Variants in NAV3 observed in about 807,000 individuals in gnomAD.
NAV3 encodes the protein pore membrane and/or filament interacting like protein 1.
A neutral mutation model predicts 244.7 loss-of-function variants in NAV3; 87 were observed. The observed-to-expected ratio is 0.36, with a 90% CI of 0.30 to 0.42. The LOEUF (loss-of-function observed/expected upper bound fraction) is 0.42, where lower values mean the gene tolerates loss of function less well. Ranked by LOEUF, NAV3 falls within the 20% of genes least tolerant of loss-of-function variation. The pLI, the probability that NAV3 is intolerant of heterozygous loss-of-function variation, is 1.00. For synonymous variants in NAV3, 1,126 were observed against 1,042.2 expected (o/e 1.08, Z -1.55); for missense variants, 2,663 against 2,893.3 (o/e 0.92, Z 1.83).
At chr12:77,582,779 A>T (rs711098) in intron 2 of NAV3, among the ~76,000 whole-genome samples, 13 of 151,954 alleles carry the variant, frequency 8.6e-5, no homozygotes, top group Admixed American at 1.3e-4. Flanking sequence ...TATTGGACCA[A>T]GTTCACATTT....
At chr12:78,094,974 G>A (rs1011018670) in intron 12 of NAV3, among the ~76,000 whole-genome samples, 1 of 151,188 alleles carries the variant, frequency 6.6e-6, no homozygotes, top group Non-Finnish European at 1.5e-5. Context: ...TTGAACCCAG[G>A]AGGCGAGGGT....
At position 78,050,999 on chromosome 12, in the gene NAV3, G is replaced by A. The variant is rs767017366; in HGVS notation, c.2368G>A (p.Val790Ile). Residue 790 changes from valine to isoleucine, a missense_variant, in exon 11 of 40, where the codon GTC becomes ATC. By Grantham distance (29) the Val-to-Ile change is conservative. Transcript: ENST00000397909. ...TACCACGCCTCTCCGTCGAGCTGCT[G>A]TCTCTAGGCTGGGAAACATGTCACA... ...MYTTPLRRAA[V>I]SRLGNMSQID... 1 of 1,614,138 alleles carries A rather than the reference G, an allele frequency of 6.2e-7. No homozygotes were observed. Among genetic ancestry groups the A allele is most frequent in the Non-Finnish European group, 8.5e-7 (1 of 1,180,026 alleles).
At chr12:77,625,977 A>C (rs1343042420) in intron 2 of NAV3, among the ~76,000 whole-genome samples, 1 of 152,218 alleles carries the variant, frequency 6.6e-6, no homozygotes, top group Non-Finnish European at 1.5e-5. Flanking sequence ...ATGCCTGAAA[A>C]ATAATTCAAA....
chr12:78,034,010 CA>C (rs2136990519), intron 9 of NAV3, among the ~76,000 whole-genome samples: 2 of 152,294 alleles, frequency 1.3e-5, no homozygotes, highest in South Asian at 4.1e-4. Context: ...AGAGCTGTAA[CA>C]AACAGAGTGG....
chr12:77,860,355 T>C (rs1197743090), intron 1 of NAV3, among the ~76,000 whole-genome samples: 1 of 150,556 alleles, frequency 6.6e-6, no homozygotes, highest in Non-Finnish European at 1.5e-5. Context: ...TTATATGCTA[T>C]ATGCACATAT....
At chr12:78,019,200 A>T (rs1021723867) in intron 8 of NAV3, among the ~76,000 whole-genome samples, 1 of 152,152 alleles carries the variant, frequency 6.6e-6, no homozygotes, top group South Asian at 2.1e-4. Flanking sequence ...ACATCACATG[A>T]GTTAGTAACT....
At chr12:78,133,188 A>T (rs1291870863) in intron 18 of NAV3, among the ~76,000 whole-genome samples, 2 of 152,106 alleles carry the variant, frequency 1.3e-5, no homozygotes, top group South Asian at 4.1e-4. Flanking sequence ...ACCTCTCCAG[A>T]TCTTAGAAAC....
Position 78,119,649 on chromosome 12 carries a change from C to G in NAV3, c.3453C>G (p.Gly1151=), listed in dbSNP as rs1366260343. Residue 1151 remains glycine, a synonymous_variant, in exon 15 of 40, where the codon GGC becomes GGG. Coordinates refer to ENST00000397909, the MANE Select transcript of NAV3 (RefSeq NM_001024383.2). ...AATCCAGCACCAGTGGCATTCCTGG[C>G]CGAGGAGGCCACAGATCCAGTACCA... ...PSKSSTSGIP[G]RGGHRSSTSS... The G allele has an allele frequency of 1.2e-6, 2 of 1,614,156 alleles. No homozygotes were observed. The highest frequency in any genetic ancestry group is 1.1e-5 in the South Asian group (1 of 91,074).
chr12:77,830,165 C>A (rs1013447691), upstream of NAV3, among the ~76,000 whole-genome samples: 3 of 152,128 alleles, frequency 2.0e-5, no homozygotes, highest in Non-Finnish European at 4.4e-5. Flanking sequence ...TAAAATAATT[C>A]TATGGATGGA....
chr12:78,044,423 T>G (rs965634887), intron 9 of NAV3, among the ~76,000 whole-genome samples: 7 of 152,220 alleles, frequency 4.6e-5, no homozygotes, highest in South Asian at 4.1e-4. Context: ...GGCTCTTTTT[T>G]GGTTCCATAT....
chr12:78,211,392 T>C lies in NAV3; in HGVS notation c.*875T>C, dbSNP rs146597064. The C allele has an allele frequency of 0.013, 1,954 of 152,698 alleles. 24 individuals are homozygous for C. The highest frequency in any genetic ancestry group is 0.039 in the South Asian group (188 of 4,820). The allele number at this position is 152,698 out of a possible 1,614,324, so 9.5% of individuals were successfully genotyped here. A position where few individuals can be genotyped will look rare whatever the true frequency, so the allele number is the denominator to read the frequency against. On this transcript the variant is annotated 3_prime_UTR_variant, in exon 40 of 40. Coordinates refer to ENST00000397909, the MANE Select transcript of NAV3 (RefSeq NM_001024383.2). ...AACAGTTGGTTTAAATCCTAAACCA[T>C]TGGTAATTTCCACTGTCTTTTCATT...
intron 9 of NAV3, among the ~76,000 whole-genome samples, chr12:78,034,292 A>G (rs1879485253): frequency 1.3e-5 from 2 of 152,192 alleles, no homozygotes; most frequent in African/African-American, 2.4e-5. Context: ...CCTTGGGGGA[A>G]AAACCATCCC....
At chr12:78,197,968 C>A (rs1959206577) in intron 35 of NAV3, among the ~76,000 whole-genome samples, 1 of 151,662 alleles carries the variant, frequency 6.6e-6, no homozygotes, top group African/African-American at 2.4e-5. Context: ...AGATATAGCT[C>A]CCTCTATTAA....
chr12:77,790,133 A>G (rs77068627), intron 2 of NAV3, among the ~76,000 whole-genome samples: 66 of 152,330 alleles, frequency 4.3e-4, no homozygotes, highest in South Asian at 1.9e-3. Flanking sequence ...TACCAGTGAT[A>G]AGCCTCTCAG....
chr12:77,917,252 G>C (rs542854827), intron 1 of NAV3, among the ~76,000 whole-genome samples: 1 of 151,980 alleles, frequency 6.6e-6, no homozygotes, highest in Admixed American at 6.6e-5. Flanking sequence ...ATTATTATCT[G>C]TGACTTAATT....
intron 24 of NAV3, 151 bp downstream of exon 24, chr12:78,169,017 T>C (rs960720108): frequency 4.0e-6 from 2 of 495,242 alleles, no homozygotes; most frequent in Non-Finnish European, 7.2e-6. Context: ...ACTAGTAGTA[T>C]TAATACATAC....
At chr12:78,169,433 G>A (rs552898793) in intron 24 of NAV3, among the ~76,000 whole-genome samples, 6,892 of 151,596 alleles carry the variant, frequency 0.045, 193 homozygotes, top group Non-Finnish European at 0.071. Flanking sequence ...AATGAAAGGG[G>A]TATTTCTGCC....
At chr12:77,637,416 C>T (rs1478172562) in intron 2 of NAV3, among the ~76,000 whole-genome samples, 1 of 152,060 alleles carries the variant, frequency 6.6e-6, no homozygotes, top group African/African-American at 2.4e-5. Flanking sequence ...CAGGGCTAAA[C>T]TGAACATAAT....
chr12:77,966,612 A>C (rs1466807559), intron 4 of NAV3, among the ~76,000 whole-genome samples: 1 of 152,174 alleles, frequency 6.6e-6, no homozygotes, highest in African/African-American at 2.4e-5. Flanking sequence ...AGATGAATAG[A>C]TAATTAGATA....
Sources: allele counts gnomAD v4.1 joint callset (sites outside exome capture counted in the v4.1 genomes callset), GRCh38; gene constraint gnomAD v4.1.1; transcripts MANE v1.5; gene names NCBI Gene and HGNC (gene_info 2026-07-23, HGNC 2026-07-21).